CCSER1: variants seen among roughly 807,000 people sequenced by gnomAD.
CCSER1 encodes the protein coiled-coil serine rich protein 1.
Under a neutral mutation model 82.0 loss-of-function variants are expected in CCSER1, and 41 were observed. The observed-to-expected ratio is 0.50, with a 90% confidence interval of 0.39 to 0.65. The LOEUF (loss-of-function observed/expected upper bound fraction) is 0.65. Ranked by LOEUF, CCSER1 falls within the 30% of genes least tolerant of loss-of-function variation. The probability of loss-of-function intolerance (pLI) is 0.00; values close to 1 mark genes in which losing one functional copy is unlikely to be tolerated. For missense variants in CCSER1, 1,119 were observed against 1,064.2 expected (o/e 1.05, Z -0.72); for synonymous variants, 414 against 383.9 (o/e 1.08, Z -0.92).
chr4:90,382,817 A>G (rs1205014425), intron 3 of CCSER1, among the ~76,000 whole-genome samples: 2 of 152,116 alleles, frequency 1.3e-5, no homozygotes, highest in Non-Finnish European at 2.9e-5. Flanking sequence ...AAAACTGCAG[A>G]TTTGTCATTA....
At chr4:90,261,951 G>T (rs1724400814) in intron 1 of CCSER1, among the ~76,000 whole-genome samples, 1 of 151,462 alleles carries the variant, frequency 6.6e-6, no homozygotes, top group Non-Finnish European at 1.5e-5. Flanking sequence ...GTTCTGATTG[G>T]TTTTTCTTTA....
chr4:91,559,514 G>A (rs186145008), intron 10 of CCSER1, among the ~76,000 whole-genome samples: 1 of 151,626 alleles, frequency 6.6e-6, no homozygotes, highest in East Asian at 1.9e-4. Flanking sequence ...CTAACCAAAA[G>A]GGGTTTACTA....
At chr4:90,562,009 T>C (rs1233494345) in intron 5 of CCSER1, among the ~76,000 whole-genome samples, 1 of 151,746 alleles carries the variant, frequency 6.6e-6, no homozygotes, top group East Asian at 1.9e-4. Context: ...GCCAACATGG[T>C]GAAACCCCGT....
rs1426879386 is a variant in CCSER1, at chr4:90,153,533, C to T, written c.-42+25702C>T. On this transcript the variant is annotated intron_variant, in intron 1 of 10. Coordinates refer to ENST00000509176, the MANE Select transcript of CCSER1 (RefSeq NM_001145065.2). ...TCAAAGTGTTCCTATTTCTCCACAT[C>T]CTCTCCAGCACCTGTTGTTTCCTGA... 2.0e-5 allele frequency among the ~76,000 whole-genome samples: 3 copies of T among 152,150 alleles called. No individual in the cohort carries two copies. The East Asian group carries it at 5.8e-4, about 29-fold the overall frequency.
At chr4:91,099,517 A>G (rs1303149600) in intron 10 of CCSER1, among the ~76,000 whole-genome samples, 1 of 152,234 alleles carries the variant, frequency 6.6e-6, no homozygotes, top group Non-Finnish European at 1.5e-5. Context: ...GGTCCATGAC[A>G]TAGCCCTCAG....
At chr4:90,159,868 A>G (rs978195542) in intron 1 of CCSER1, among the ~76,000 whole-genome samples, 1 of 152,206 alleles carries the variant, frequency 6.6e-6, no homozygotes, top group African/African-American at 2.4e-5. Context: ...GCATTATGCC[A>G]AGCCATTTTT....
chr4:90,487,641 GTTTC>G (rs945091326), intron 5 of CCSER1, among the ~76,000 whole-genome samples: 62 of 152,206 alleles, frequency 4.1e-4, no homozygotes, highest in African/African-American at 1.3e-3. Flanking sequence ...TTAATCTAGT[GTTTC>G]TTTGTTTGTT....
intron 9 of CCSER1, among the ~76,000 whole-genome samples, chr4:90,929,277 T>G (rs769707521): frequency 1.1e-4 from 16 of 152,152 alleles, no homozygotes; most frequent in Non-Finnish European, 1.9e-4. Flanking sequence ...TTCTAAAAAT[T>G]TATAACAAAT....
chr4:91,492,949 T>C (rs1758625156), intron 10 of CCSER1, among the ~76,000 whole-genome samples: 2 of 152,084 alleles, frequency 1.3e-5, no homozygotes, highest in South Asian at 4.1e-4. Flanking sequence ...ACTAGACACA[T>C]GAGTTCTCAT....
At chr4:90,941,029 C>G (rs9683696) in intron 9 of CCSER1, among the ~76,000 whole-genome samples, 123,232 of 152,016 alleles carry the variant, frequency 0.81, 50,231 homozygotes, top group East Asian at 0.88. Flanking sequence ...CTTGAATTTT[C>G]AAGTACTCTT....
At chr4:91,114,099 G>C (rs1021496130) in intron 10 of CCSER1, among the ~76,000 whole-genome samples, 2 of 152,102 alleles carry the variant, frequency 1.3e-5, no homozygotes, top group African/African-American at 2.4e-5. Context: ...TGATCCGCCC[G>C]TCTCGGCCTC....
rs542089375 is a variant in CCSER1, at chr4:90,240,180, T to A, written c.-41-68064T>A. On this transcript the variant is annotated intron_variant, in intron 1 of 10. Coordinates refer to ENST00000509176, the MANE Select transcript of CCSER1 (RefSeq NM_001145065.2). ...CGGCCAGTAGAATAGTCGGCATGGA[T>A]AACCAAACCAGTGGCTATGTTTCAG... Among the ~76,000 whole-genome samples the A allele has an allele frequency of 1.8e-3, 279 of 152,250 alleles. 2 individuals are homozygous for A. Among genetic ancestry groups the A allele is most frequent in the African/African-American group, 6.5e-3 (271 of 41,536 alleles).
chr4:90,424,027 G>A (rs921046130), intron 4 of CCSER1, among the ~76,000 whole-genome samples: 3 of 151,120 alleles, frequency 2.0e-5, no homozygotes, highest in Non-Finnish European at 4.4e-5. Context: ...GGAGGCTGAG[G>A]TTGCAGTGAG....
chr4:90,463,108 TA>T (rs984389571), intron 4 of CCSER1, among the ~76,000 whole-genome samples: 1 of 152,138 alleles, frequency 6.6e-6, no homozygotes, highest in Non-Finnish European at 1.5e-5. Context: ...TTTCACATCT[TA>T]AAAAAATCTC....
intron 1 of CCSER1, among the ~76,000 whole-genome samples, chr4:90,270,202 T>C (rs1363298132): frequency 6.6e-6 from 1 of 151,904 alleles, no homozygotes; most frequent in African/African-American, 2.4e-5. Context: ...CAAAACCAGA[T>C]AAGCATCAGA....
intron 10 of CCSER1, among the ~76,000 whole-genome samples, chr4:91,162,027 T>C (rs753095125): frequency 6.6e-6 from 1 of 152,220 alleles, no homozygotes; most frequent in Non-Finnish European, 1.5e-5. Context: ...TCAAAGGGAA[T>C]GCTTGCAGTT....
At chr4:91,001,536 C>T (rs926642525) in intron 9 of CCSER1, among the ~76,000 whole-genome samples, 2 of 152,052 alleles carry the variant, frequency 1.3e-5, no homozygotes, top group South Asian at 2.1e-4. Context: ...TTGTCTTCTG[C>T]ACCTCATATT....
chr4:91,351,027 C>T (rs1186444524), intron 10 of CCSER1, among the ~76,000 whole-genome samples: 10 of 151,842 alleles, frequency 6.6e-5, no homozygotes, highest in Admixed American at 1.3e-4. Flanking sequence ...TTTATTTGTA[C>T]TCTACCTTGT....
At chr4:91,591,440 ATTTGT>A (rs955212833) in intron 10 of CCSER1, among the ~76,000 whole-genome samples, 2 of 152,048 alleles carry the variant, frequency 1.3e-5, no homozygotes, top group South Asian at 2.1e-4. Context: ...GTATTCTGTC[ATTTGT>A]TTTGTTTATA....
Sources: allele counts gnomAD v4.1 joint callset (sites outside exome capture counted in the v4.1 genomes callset), GRCh38; gene constraint gnomAD v4.1.1; transcripts MANE v1.5; gene names NCBI Gene and HGNC (gene_info 2026-07-23, HGNC 2026-07-21).